The following KAZN variants were observed in gnomAD, a reference collection of about 807,000 sequenced individuals.
The protein encoded by KAZN is kazrin, periplakin interacting protein, also known as kazrin.
A neutral mutation model predicts 87.4 loss-of-function variants in KAZN; 40 were observed. The ratio of observed to expected loss-of-function variants is 0.46; its 90% CI spans 0.36 to 0.60. The LOEUF (loss-of-function observed/expected upper bound fraction) is 0.60. Among genes scored for constraint, KAZN ranks in the 20% least tolerant of loss-of-function variants. The pLI is 0.00. For synonymous variants in KAZN, 466 were observed against 458.3 expected, an observed-to-expected ratio of 1.02 and a Z score of -0.22; for missense variants, 898 against 1,073.9, an observed-to-expected ratio of 0.84 and a Z score of 2.29.
intron 2 of KAZN, among the ~76,000 whole-genome samples, chr1:14,408,367 G>T (rs1664037401): frequency 6.6e-6 from 1 of 152,198 alleles, no homozygotes; most frequent in African/African-American, 2.4e-5. Context: ...CATTCATCTA[G>T]TAGATACTGC....
intron 1 of KAZN, among the ~76,000 whole-genome samples, chr1:14,604,175 G>A (rs1213751731): frequency 2.6e-5 from 4 of 152,198 alleles, no homozygotes; most frequent in African/African-American, 9.7e-5. Context: ...GCATATTAGG[G>A]TGAGTAGCAC....
chr1:14,762,717 T>C (rs1334686214), intron 1 of KAZN, among the ~76,000 whole-genome samples: 1 of 149,344 alleles, frequency 6.7e-6, no homozygotes, highest in African/African-American at 2.5e-5. Flanking sequence ...AGAGCAAGAC[T>C]CTGTCTCAAA....
At chr1:14,878,320 G>A (rs544495560) in intron 1 of KAZN, among the ~76,000 whole-genome samples, 1 of 152,054 alleles carries the variant, frequency 6.6e-6, no homozygotes, top group African/African-American at 2.4e-5. Flanking sequence ...GGGGGTGGCT[G>A]TCCTGTGCAT....
chr1:15,019,268 G>A (rs1670426196), intron 2 of KAZN, among the ~76,000 whole-genome samples: 1 of 152,194 alleles, frequency 6.6e-6, no homozygotes, highest in Non-Finnish European at 1.5e-5. Context: ...ACCAGGGACT[G>A]CCTACCTGGA....
intron 1 of KAZN, among the ~76,000 whole-genome samples, chr1:14,064,281 G>C (rs994387047): frequency 2.0e-5 from 3 of 152,106 alleles, no homozygotes; most frequent in African/African-American, 7.2e-5. Flanking sequence ...GAGGCTGGGG[G>C]CTCTAAATTG....
rs1638270285 is a variant in KAZN at position 15,056,284 on chromosome 1, A to T, written c.916+4A>T. On this transcript the variant is annotated splice_donor_region_variant and intron_variant, in intron 5 of 14. Transcript: ENST00000376030. This position sits in a 1 kb window ranked among gnomAD's most constrained non-coding sequence, Gnocchi z 5.4. Reference sequence around the variant, plus strand: ...CCTCACCCTGCGGACCGGCAAGGTGAGTCCTGCCCTGGCCTGGCTCCACCA... The same window carrying T: ...CCTCACCCTGCGGACCGGCAAGGTGTGTCCTGCCCTGGCCTGGCTCCACCA... 6.3e-7 allele frequency: 1 copy of T among 1,596,538 alleles called. No individual in the cohort carries two copies. The highest frequency in any genetic ancestry group is 8.6e-7 in the Non-Finnish European group (1 of 1,166,394).
At chr1:15,013,660 C>T (rs914155878) in intron 2 of KAZN, among the ~76,000 whole-genome samples, 3 of 151,516 alleles carry the variant, frequency 2.0e-5, no homozygotes, top group East Asian at 1.9e-4. Flanking sequence ...GAGGCTGAGG[C>T]GGGAGAATCG....
At chr1:14,478,302 G>A (rs1258645887) in intron 2 of KAZN, among the ~76,000 whole-genome samples, 1 of 151,056 alleles carries the variant, frequency 6.6e-6, no homozygotes, top group Non-Finnish European at 1.5e-5. Context: ...TGGATGGGAG[G>A]ATATATGGAT....
At position 15,099,633 on chromosome 1, in the gene KAZN, G is replaced by A. The variant is rs776409393; in HGVS notation, c.1548-1910G>A. ...GTTGGGGGAGGGGAAGTCAGCCAGG[G>A]CCAGTGCAGGTGACCCTTGTGGACC... On this transcript the variant is annotated intron_variant, in intron 10 of 14. Transcript: ENST00000376030. This position sits in a 1 kb window ranked among gnomAD's most constrained non-coding sequence, Gnocchi z 5.4. Among the ~76,000 whole-genome samples the A allele has an allele frequency of 3.9e-5, 6 of 152,142 alleles. No individual in the cohort carries two copies. Among genetic ancestry groups the A allele is most frequent in the Non-Finnish European group, 5.9e-5 (4 of 68,016 alleles).
chr1:14,835,838 C>A (rs566424172), intron 1 of KAZN, among the ~76,000 whole-genome samples: 12 of 150,664 alleles, frequency 8.0e-5, no homozygotes, highest in Non-Finnish European at 1.8e-4. Context: ...TCCCAGGAGT[C>A]CCCTTCCTCC....
intron 2 of KAZN, among the ~76,000 whole-genome samples, chr1:14,210,727 T>TAAA (rs1461258833): frequency 2.0e-5 from 3 of 152,018 alleles, no homozygotes; most frequent in Non-Finnish European, 4.4e-5. Flanking sequence ...ACAATAATAA[T>TAAA]AAACCCATTT....
chr1:13,919,174 T>C (rs1008018886), intron 1 of KAZN, among the ~76,000 whole-genome samples: 13 of 152,232 alleles, frequency 8.5e-5, no homozygotes, highest in Admixed American at 5.9e-4. Flanking sequence ...ACTGCACTTA[T>C]CTACTCTTGG....
Position 14,803,721 on chromosome 1 carries a change from C to G in KAZN, c.227-156963C>G, listed in dbSNP as rs549227894. 2.6e-5 allele frequency among the ~76,000 whole-genome samples: 4 copies of G among 152,360 alleles called. No homozygotes were observed. In the South Asian group the frequency reaches 8.3e-4, roughly 32 times the overall value. On this transcript the variant is annotated intron_variant, in intron 1 of 14. Transcript: ENST00000376030. ...CACCTCCCGAGCCCTGCTCTCACGG[C>G]CTGGAGAGGCGATGCCAAGGCTTTC...
At chr1:14,622,717 T>A (rs1489179050) in intron 1 of KAZN, among the ~76,000 whole-genome samples, 4 of 150,710 alleles carry the variant, frequency 2.7e-5, no homozygotes, top group African/African-American at 9.8e-5. Flanking sequence ...TATGAAAATG[T>A]GTCTAATCTC....
rs552052327 is a variant in KAZN, at chr1:14,574,596, G to A, written c.250-24387G>A. 9.2e-3 allele frequency among the ~76,000 whole-genome samples: 1,395 copies of A among 152,274 alleles called. 13 individuals are homozygous for A. Among genetic ancestry groups the A allele is most frequent in the Non-Finnish European group, 0.014 (942 of 68,006 alleles). On this transcript the variant is annotated intron_variant, in intron 2 of 16. Coordinates refer to the KAZN transcript ENST00000636203. ...TGATTGTGAGGCCTCCCCAGCCCATGAAACTGTGAGACCATTAAACCTCTT... is the reference window on the plus strand; with the variant it reads ...TGATTGTGAGGCCTCCCCAGCCCATAAAACTGTGAGACCATTAAACCTCTT...
At chr1:14,663,254 G>A (rs534318992) in intron 1 of KAZN, among the ~76,000 whole-genome samples, 4 of 152,188 alleles carry the variant, frequency 2.6e-5, no homozygotes, top group African/African-American at 7.2e-5. Flanking sequence ...CGGGATTACA[G>A]GCACACCCAG....
intron 2 of KAZN, among the ~76,000 whole-genome samples, chr1:14,434,708 A>C (rs2101407070): frequency 6.6e-6 from 1 of 152,294 alleles, no homozygotes; most frequent in African/African-American, 2.4e-5. Flanking sequence ...TCCACGGAGC[A>C]GGGTGCAGCT....
At chr1:14,173,658 T>TCCCCCC (rs1557535998) in intron 1 of KAZN, among the ~76,000 whole-genome samples, 5 of 148,490 alleles carry the variant, frequency 3.4e-5, no homozygotes, top group African/African-American at 1.0e-4. Flanking sequence ...GTAGTTCCCC[T>TCCCCCC]CCCCGCCCCG....
rs1013435252 is a variant in KAZN at position 14,040,090 on chromosome 1, T to A, written c.92-140345T>A. On this transcript the variant is annotated intron_variant, in intron 1 of 16. Transcript: ENST00000636203. ...GTGTGTGTGTGTGCACGTGTGTGTGTGAGAGAGAGAGAGACAGAGAGAGAG... is the reference window on the plus strand; with the variant it reads ...GTGTGTGTGTGTGCACGTGTGTGTGAGAGAGAGAGAGAGACAGAGAGAGAG... Among the ~76,000 whole-genome samples the A allele has an allele frequency of 7.3e-5, 8 of 110,228 alleles. No homozygotes were observed. The East Asian group carries it at 1.5e-3, about 21-fold the overall frequency. The allele number at this position is 110,228 out of a possible 152,430, so 72.3% of individuals were successfully genotyped here. A position where few individuals can be genotyped will look rare whatever the true frequency, so the allele number is the denominator to read the frequency against.
Sources: gnomAD v4.1 joint callset for allele counts (sites outside exome capture counted in the v4.1 genomes callset) on GRCh38, gnomAD v4.1.1 for gene constraint, Gnocchi (gnomAD v3.1) non-coding constraint, MANE v1.5 for transcripts, NCBI Gene and HGNC (gene_info 2026-07-23, HGNC 2026-07-21) for gene names.